Variants in ZNF236 observed in about 807,000 individuals in gnomAD.
ZNF236 encodes zinc finger protein 236, also known as regulated by glucose.
In ZNF236, 50 loss-of-function variants were observed where a neutral mutation model predicts 191.2. The observed-to-expected ratio is 0.26, with a 90% CI of 0.21 to 0.33. ZNF236 has a LOEUF of 0.33. Ranked by LOEUF, ZNF236 falls within the 10% of genes least tolerant of loss-of-function variation. The pLI is 1.00. For missense variants in ZNF236, 1,754 were observed against 2,374.5 expected, an observed-to-expected ratio of 0.74 and a Z score of 5.43; for synonymous variants, 907 against 928.8, an observed-to-expected ratio of 0.98 and a Z score of 0.43.
chr18:76,857,532 C>T (rs1354132865), intron 3 of ZNF236, among the ~76,000 whole-genome samples: 1 of 152,180 alleles, frequency 6.6e-6, no homozygotes, highest in East Asian at 1.9e-4. Context: ...TTATCTGACA[C>T]AAAAGACACA....
chr18:76,891,273 T>C (rs906204898), intron 9 of ZNF236, among the ~76,000 whole-genome samples: 7 of 152,364 alleles, frequency 4.6e-5, no homozygotes, highest in East Asian at 1.9e-4. Context: ...TATGTATAGC[T>C]AAGTTTGTCA....
chr18:76,965,209 A>G (rs1302400444), intron 30 of ZNF236, among the ~76,000 whole-genome samples: 1 of 152,112 alleles, frequency 6.6e-6, no homozygotes, highest in African/African-American at 2.4e-5. Context: ...GCATTTCTAT[A>G]AGTATGTCTA....
intron 12 of ZNF236, 34 bp from the exon 13 acceptor site, chr18:76,905,121 A>C (rs1047345892): frequency 1.3e-6 from 2 of 1,575,456 alleles, no homozygotes; most frequent in Non-Finnish European, 1.7e-6. Context: ...AAGTATAAGA[A>C]ACATATTCAT....
Position 76,919,900 on chromosome 18 carries a change from C to A in ZNF236, c.3399C>A (p.Ser1133Arg). Residue 1133 changes from serine (S) to arginine (R), a missense_variant, in exon 20 of 31, where the codon AGC becomes AGA. By Grantham distance (110) the Ser-to-Arg change is moderately radical (BLOSUM62 -1). This residue lies in a region of ZNF236 where 641 missense variants were observed against 869.6 expected (regional missense o/e 0.74). Coordinates refer to ENST00000320610, the MANE Select transcript of ZNF236 (RefSeq NM_001306089.2). This position sits in a 1 kb window ranked among gnomAD's most constrained non-coding sequence, Gnocchi z 5.3. ...AQLAKIRPQE[S>R]ATVSEKVLVQ... ...TAGCCAAGATCCGGCCGCAGGAGAG[C>A]GCCACGGTGTCAGAGAAGGTCCTGG... 6.2e-7 allele frequency: 1 copy of A among 1,614,170 alleles called. No homozygotes were observed. Among genetic ancestry groups the A allele is most frequent in the South Asian group, 1.1e-5 (1 of 91,076 alleles).
At chr18:76,951,816 G>A (rs1455141301) in intron 27 of ZNF236, among the ~76,000 whole-genome samples, 1 of 152,192 alleles carries the variant, frequency 6.6e-6, no homozygotes, top group Non-Finnish European at 1.5e-5. Context: ...TGAAGTGAGG[G>A]ATGTGTGACT....
At chr18:76,858,478 A>G (rs1976115021) in intron 3 of ZNF236, among the ~76,000 whole-genome samples, 1 of 152,236 alleles carries the variant, frequency 6.6e-6, no homozygotes, top group Non-Finnish European at 1.5e-5. Flanking sequence ...CATTTCACAA[A>G]ACAGTGATCA....
intron 11 of ZNF236, among the ~76,000 whole-genome samples, chr18:76,903,914 A>G (rs1306427131): frequency 6.7e-6 from 1 of 148,806 alleles, no homozygotes; most frequent in Admixed American, 6.8e-5. Flanking sequence ...TTTTCAGTTT[A>G]TTATAGTATC....
intron 17 of ZNF236, among the ~76,000 whole-genome samples, chr18:76,912,728 A>G (rs988362052): frequency 6.6e-6 from 1 of 152,260 alleles, no homozygotes; most frequent in Non-Finnish European, 1.5e-5. Context: ...GTACCAGGAT[A>G]CAGCACAATT....
In ZNF236 at chr18:76,901,758, CA is replaced by C. The variant is rs886991489; in HGVS notation, c.1894+2548del. Among the ~76,000 whole-genome samples, 220 of 137,494 alleles carry C rather than the reference CA, an allele frequency of 1.6e-3. 1 individual carries two copies. The highest frequency in any genetic ancestry group is 0.011 in the Middle Eastern group (3 of 264). 90.2% of individuals were successfully genotyped at this position (137,494 alleles called of 152,430 possible). A position where few individuals can be genotyped will look rare whatever the true frequency, so the allele number is the denominator to read the frequency against. ...GGGGAACAACAGTGAAACTCTGTCT[CA>C]AAAAAAAAAAAGTCTGATAATTTAA... On this transcript the variant is annotated intron_variant, in intron 11 of 30. Transcript: ENST00000320610.
rs577175602 is a variant in ZNF236 at position 76,839,826 on chromosome 18, GTA to G, written c.56-9698_56-9697del. Among the ~76,000 whole-genome samples the G allele has an allele frequency of 2.2e-4, 34 of 152,284 alleles. No individual in the cohort carries two copies. The East Asian group carries it at 6.6e-3, about 29-fold the overall frequency. ...TGTTGTTTTGATGTTCACACAAATTGTATGTTTGTAGAGGTGAAAACAGAATA... is the reference window on the plus strand; with the variant it reads ...TGTTGTTTTGATGTTCACACAAATTGTGTTTGTAGAGGTGAAAACAGAATA... On this transcript the variant is annotated intron_variant, in intron 1 of 30. Coordinates refer to ENST00000320610, the MANE Select transcript of ZNF236 (RefSeq NM_001306089.2).
At chr18:76,952,627 C>A (rs1377052979) in intron 27 of ZNF236, among the ~76,000 whole-genome samples, 1 of 152,208 alleles carries the variant, frequency 6.6e-6, no homozygotes, top group Non-Finnish European at 1.5e-5. Context: ...GGCAATCCTA[C>A]ATCTGTGTGA....
chr18:76,930,354 GC>G lies in ZNF236; in HGVS notation c.4594+2250del, dbSNP rs145682660. The stretch of plus-strand genomic sequence containing the variant: ...CTCTCTGATTTTGTGTAGTTGTCTT[GC>G]CTACACCTATTTTGACAGCAGAATG... On this transcript the variant is annotated intron_variant, in intron 25 of 30. Transcript: ENST00000320610. Among the ~76,000 whole-genome samples, 1,199 of 152,226 alleles carry G rather than the reference GC, an allele frequency of 7.9e-3. 15 individuals are homozygous for G. The highest frequency in any genetic ancestry group is 0.028 in the African/African-American group (1,143 of 41,538).
intron 3 of ZNF236, among the ~76,000 whole-genome samples, chr18:76,855,101 T>G (rs987157399): frequency 2.0e-5 from 3 of 152,184 alleles, no homozygotes; most frequent in African/African-American, 7.2e-5. Flanking sequence ...TTTTTATATT[T>G]TTAGTAGAGA....
At position 76,970,926 on chromosome 18, in the gene ZNF236, G is replaced by A. The variant is rs762943756; in HGVS notation, c.*2587G>A. On this transcript the variant is annotated 3_prime_UTR_variant, in exon 31 of 31. Coordinates refer to ENST00000320610, the MANE Select transcript of ZNF236 (RefSeq NM_001306089.2). ...AATCAGGGCATGGCTCCGCGACAGC[G>A]AGCCGTGGGCGTCAGCACAGTGCCC... Among the ~76,000 whole-genome samples the A allele has an allele frequency of 2.0e-5, 3 of 152,252 alleles. No homozygotes were observed. The highest frequency in any genetic ancestry group is 2.9e-5 in the Non-Finnish European group (2 of 68,048).
At position 76,876,876 on chromosome 18, in the gene ZNF236, A is replaced by C. The variant is rs115698156; in HGVS notation, c.841-1133A>C. 5.3e-3 allele frequency among the ~76,000 whole-genome samples: 807 copies of C among 152,300 alleles called. 8 individuals carry two copies. The highest frequency in any genetic ancestry group is 0.019 in the African/African-American group (771 of 41,564). On this transcript the variant is annotated intron_variant, in intron 6 of 30. Transcript: ENST00000320610. ...GAGTTTAGAAAACTCCCCCTATGCT[A>C]AAGGGCCCAGAGACTCACCTGTTGC... is the stretch of plus-strand genomic sequence containing the variant.
chr18:76,916,723 C>T (rs1967375066), intron 19 of ZNF236, among the ~76,000 whole-genome samples: 1 of 152,218 alleles, frequency 6.6e-6, no homozygotes, highest in African/African-American at 2.4e-5. Flanking sequence ...TTGGAGGTCA[C>T]GGCTGGTCTG....
chr18:76,907,763 A>T (rs554537042), intron 13 of ZNF236, among the ~76,000 whole-genome samples: 3 of 151,038 alleles, frequency 2.0e-5, no homozygotes, highest in South Asian at 4.2e-4. Flanking sequence ...TTTGAAAGAG[A>T]AATCGTTGAC....
At chr18:76,958,367 T>C (rs1287710863) in intron 28 of ZNF236, among the ~76,000 whole-genome samples, 1 of 152,162 alleles carries the variant, frequency 6.6e-6, no homozygotes, top group East Asian at 1.9e-4. Flanking sequence ...TTTAAAGTCA[T>C]CAGCATAGAG....
chr18:76,937,056 A>T, intron 25 of ZNF236, 100 bp from the exon 26 acceptor site: 1 of 1,110,794 alleles, frequency 9.0e-7, no homozygotes, highest in Non-Finnish European at 1.3e-6. Flanking sequence ...CTCGGGCATG[A>T]ATGCTGCTTC....
Sources: gnomAD v4.1 joint callset for allele counts (sites outside exome capture counted in the v4.1 genomes callset) on GRCh38, gnomAD v4.1.1 for gene constraint, gnomAD v4.1.1 regional missense constraint, Gnocchi (gnomAD v3.1) non-coding constraint, MANE v1.5 for transcripts, NCBI Gene and HGNC (gene_info 2026-07-23, HGNC 2026-07-21) for gene names.